Variants in CEP170 observed in about 807,000 individuals in gnomAD.
The protein encoded by CEP170 is centrosomal protein of 170 kDa.
Under a neutral mutation model 151.9 loss-of-function variants are expected in CEP170, and 21 were observed. The ratio of observed to expected loss-of-function variants is 0.14; its 90% CI spans 0.10 to 0.20. The LOEUF is 0.20. Ranked by LOEUF, CEP170 falls within the 10% of genes least tolerant of loss-of-function variation. The pLI is 1.00. For missense variants in CEP170, 964 were observed against 1,892.9 expected (o/e 0.51, Z 9.11); for synonymous variants, 356 against 648.8 (o/e 0.55, Z 6.86).
intron 10 of CEP170, among the ~76,000 whole-genome samples, chr1:243,173,333 T>A (rs562358430): frequency 6.6e-6 from 1 of 151,816 alleles, no homozygotes; most frequent in Admixed American, 6.5e-5. Context: ...CTGCTGGGAT[T>A]ACAGGCATGA....
At chr1:243,168,072 G>T (rs1305511092) in intron 12 of CEP170, among the ~76,000 whole-genome samples, 2 of 151,772 alleles carry the variant, frequency 1.3e-5, no homozygotes, top group African/African-American at 4.8e-5. Context: ...ATTTTATAAC[G>T]GATTCTTTGG....
chr1:243,223,524 G>C (rs2062986539), intron 2 of CEP170, among the ~76,000 whole-genome samples: 1 of 152,118 alleles, frequency 6.6e-6, no homozygotes, highest in Non-Finnish European at 1.5e-5. Context: ...TTGAAATCTG[G>C]AATATCCTTA....
chr1:243,185,561 G>C lies in CEP170; in HGVS notation c.1566+218C>G, dbSNP rs2059889946. 6.6e-6 allele frequency among the ~76,000 whole-genome samples: 1 copy of C among 152,104 alleles called. No homozygotes were observed. The highest frequency in any genetic ancestry group is 6.5e-5 in the Admixed American group (1 of 15,276). On this transcript the variant is annotated intron_variant, in intron 10 of 19. Transcript: ENST00000366542. The surrounding 1 kb of genome is among the most constrained non-coding windows in gnomAD (Gnocchi z 4.9). Reference sequence around the variant, plus strand: ...AAGGTCCAAACCTTTTAAATGTACAGAGCTTTATGTATGAAACTCAGGTAA... The same window carrying C: ...AAGGTCCAAACCTTTTAAATGTACACAGCTTTATGTATGAAACTCAGGTAA...
chr1:243,130,081 A>G (rs1283318622), intron 17 of CEP170, among the ~76,000 whole-genome samples: 5 of 152,140 alleles, frequency 3.3e-5, no homozygotes, highest in Admixed American at 1.3e-4. Flanking sequence ...TCTTGGAACA[A>G]CATGTATCAC....
chr1:243,159,763 T>TGTGTGTGTGTGTGTG lies in CEP170; in HGVS notation c.3677-3309_3677-3308insCACACACACACACAC, dbSNP rs2057892319. ...ACATTCTACATTTTTGTTTCCGGTT[T>TGTGTGTGTGTGTGTG]TGTGTGTGTGTGTGTGTGTGTGTGT... On this transcript the variant is annotated intron_variant, in intron 13 of 19. Transcript: ENST00000366542. Among the ~76,000 whole-genome samples the TGTGTGTGTGTGTGTG allele has an allele frequency of 8.7e-5, 11 of 127,164 alleles. No homozygotes were observed. The East Asian group carries it at 1.4e-3, about 16-fold the overall frequency. The allele number at this position is 127,164 out of a possible 152,430, so 83.4% of individuals were successfully genotyped here.
At chr1:243,249,143 T>C (rs2065695288) in intron 1 of CEP170, among the ~76,000 whole-genome samples, 1 of 152,146 alleles carries the variant, frequency 6.6e-6, no homozygotes. Flanking sequence ...GAAAAATTCA[T>C]GGCCAGGCGT....
chr1:243,131,081 T>C (rs1331412120), intron 17 of CEP170, among the ~76,000 whole-genome samples: 1 of 152,108 alleles, frequency 6.6e-6, no homozygotes, highest in Non-Finnish European at 1.5e-5. Context: ...GAGTATAGTG[T>C]TTGTGGATCT....
At chr1:243,208,616 ACTT>A (rs1201436050) in intron 4 of CEP170, among the ~76,000 whole-genome samples, 2 of 151,214 alleles carry the variant, frequency 1.3e-5, no homozygotes, top group African/African-American at 2.4e-5. Context: ...CATATGGCTA[ACTT>A]CTTTACTTTC....
chr1:243,132,757 G>C (rs1445401461), intron 17 of CEP170, among the ~76,000 whole-genome samples: 1 of 152,174 alleles, frequency 6.6e-6, no homozygotes, highest in Non-Finnish European at 1.5e-5. Flanking sequence ...TGGTAAGGAA[G>C]AGAATGGTAC....
intron 4 of CEP170, among the ~76,000 whole-genome samples, chr1:243,205,562 A>G (rs986030603): frequency 2.0e-5 from 3 of 152,224 alleles, no homozygotes; most frequent in African/African-American, 7.2e-5. Flanking sequence ...ACATACAGAA[A>G]GGTCTTGCCT....
chr1:243,138,266 T>C (rs1048538162), intron 16 of CEP170, among the ~76,000 whole-genome samples: 3 of 151,950 alleles, frequency 2.0e-5, no homozygotes, highest in Non-Finnish European at 4.4e-5. Flanking sequence ...ACAGAATGAT[T>C]ATGAGTAAGT....
At chr1:243,230,905 A>G (rs1371630482) in intron 1 of CEP170, among the ~76,000 whole-genome samples, 3 of 152,150 alleles carry the variant, frequency 2.0e-5, no homozygotes, top group Non-Finnish European at 4.4e-5. Flanking sequence ...AACTACCAGC[A>G]GATAAACTCA....
rs1280715973 is a variant in CEP170, at chr1:243,126,062, G to A, written c.*387C>T. 1 of 458,626 alleles carries A rather than the reference G, an allele frequency of 2.2e-6. No homozygotes were observed. The highest frequency in any genetic ancestry group is 4.4e-6 in the Non-Finnish European group (1 of 228,688). 28.4% of individuals were successfully genotyped at this position (458,626 alleles called of 1,614,324 possible). On this transcript the variant is annotated 3_prime_UTR_variant, in exon 20 of 20. Coordinates refer to ENST00000366542, the MANE Select transcript of CEP170 (RefSeq NM_014812.3). The stretch of plus-strand genomic sequence containing the variant: ...TACAGATGAAGAAGTCCATTTCAGG[G>A]AGCAGCTTGGCACAGGAGACTTAGG...
At chr1:243,169,052 A>G (rs1571988634) in intron 12 of CEP170, among the ~76,000 whole-genome samples, 1 of 151,472 alleles carries the variant, frequency 6.6e-6, no homozygotes, top group East Asian at 1.9e-4. Context: ...ACACACCTAT[A>G]TATGCTTCAT....
At chr1:243,187,879 G>A (rs1244335745) in intron 8 of CEP170, among the ~76,000 whole-genome samples, 1 of 152,110 alleles carries the variant, frequency 6.6e-6, no homozygotes, top group Non-Finnish European at 1.5e-5. Flanking sequence ...AACAAAGGGA[G>A]TAAGATCAAA....
chr1:243,227,877 C>G (rs2063430735), intron 1 of CEP170, among the ~76,000 whole-genome samples: 1 of 152,172 alleles, frequency 6.6e-6, no homozygotes, highest in African/African-American at 2.4e-5. Flanking sequence ...GGGGCTTGGT[C>G]ATTAAGGGAA....
intron 1 of CEP170, among the ~76,000 whole-genome samples, chr1:243,235,815 G>A (rs536265359): frequency 6.6e-6 from 1 of 152,112 alleles, no homozygotes; most frequent in East Asian, 1.9e-4. Context: ...GCAAGCCAGT[G>A]ATTTAATTAA....
intron 17 of CEP170, among the ~76,000 whole-genome samples, chr1:243,134,955 C>G (rs6429411): frequency 6.6e-6 from 1 of 152,004 alleles, no homozygotes; most frequent in Admixed American, 6.6e-5. Flanking sequence ...TTTGTATAGA[C>G]GGTTGAGAAA....
intron 14 of CEP170, among the ~76,000 whole-genome samples, chr1:243,148,464 C>T (rs569270397): frequency 8.5e-5 from 13 of 152,098 alleles, no homozygotes; most frequent in Non-Finnish European, 1.9e-4. Context: ...ATCCCAGCTA[C>T]TCAGGACGCT....
Sources: gnomAD v4.1 joint callset for allele counts (sites outside exome capture counted in the v4.1 genomes callset) on GRCh38, gnomAD v4.1.1 for gene constraint, Gnocchi (gnomAD v3.1) non-coding constraint, MANE v1.5 for transcripts, NCBI Gene and HGNC (gene_info 2026-07-23, HGNC 2026-07-21) for gene names.